The following USP26 variants were observed in gnomAD, a reference collection of about 807,000 sequenced individuals.
The protein encoded by USP26 is ubiquitin specific peptidase 26.
For synonymous variants in USP26, 236 were observed against 240.6 expected (o/e 0.98, Z 0.18); for missense variants, 649 against 642.3 (o/e 1.01, Z -0.11).
chrX:133,095,108 A>AAAAG (rs1390281197), intron 1 of USP26, among the ~76,000 whole-genome samples: 7 of 102,810 alleles, frequency 6.8e-5, no homozygotes, highest in African/African-American at 1.9e-4. Flanking sequence ...AAAAAAAAAA[A>AAAAG]AAAGAAAGAA....
chrX:133,053,982 G>A (rs1485310031), intron 5 of USP26, among the ~76,000 whole-genome samples: 1 of 111,923 alleles, frequency 8.9e-6, no homozygotes, highest in Non-Finnish European at 1.9e-5. Context: ...GGAAGCAACA[G>A]AAAAGTCAGA....
At chrX:133,042,159 A>T (rs1307188184) in intron 5 of USP26, among the ~76,000 whole-genome samples, 1 of 111,522 alleles carries the variant, frequency 9.0e-6, no homozygotes, top group African/African-American at 3.3e-5. Flanking sequence ...TGGGACCGGG[A>T]CCCACTGAGT....
intron 1 of USP26, among the ~76,000 whole-genome samples, chrX:133,092,428 T>G (rs961949351): frequency 3.6e-5 from 4 of 112,134 alleles, no homozygotes; most frequent in African/African-American, 6.5e-5. Context: ...TGTAAGTAAT[T>G]AGTAACACAG....
chrX:133,094,803 A>G (rs923545662), intron 1 of USP26, among the ~76,000 whole-genome samples: 4 of 112,047 alleles, frequency 3.6e-5, no homozygotes, highest in African/African-American at 1.3e-4. Flanking sequence ...CATTAAAAAT[A>G]CCACAAACGG....
intron 5 of USP26, among the ~76,000 whole-genome samples, chrX:133,061,569 C>T (rs1301259871): frequency 8.9e-6 from 1 of 112,276 alleles, no homozygotes; most frequent in Non-Finnish European, 1.9e-5. Context: ...ACGCAGAAGG[C>T]GGGTGATTTC....
intron 5 of USP26, among the ~76,000 whole-genome samples, chrX:133,066,033 G>A (rs2067510520): frequency 9.0e-6 from 1 of 111,520 alleles, no homozygotes; most frequent in Non-Finnish European, 1.9e-5. Context: ...AAATTCTCAG[G>A]ATACGAAATG....
intron 5 of USP26, among the ~76,000 whole-genome samples, chrX:133,074,766 G>A (rs1602986665): frequency 8.9e-6 from 1 of 112,222 alleles, no homozygotes; most frequent in Non-Finnish European, 1.9e-5. Flanking sequence ...CAACTCTAGA[G>A]ATTTATAGCC....
chrX:133,084,951 C>T (rs771199107), intron 4 of USP26, among the ~76,000 whole-genome samples: 6 of 109,414 alleles, frequency 5.5e-5, no homozygotes, highest in Non-Finnish European at 9.5e-5. Flanking sequence ...TCTTTTGAGA[C>T]GGAGTCTCAC....
chrX:133,053,460 C>T (rs987577658), intron 5 of USP26, among the ~76,000 whole-genome samples: 1 of 107,706 alleles, frequency 9.3e-6, no homozygotes, highest in African/African-American at 3.4e-5. Flanking sequence ...ATCACTTGAA[C>T]CTGAGAGACA....
intron 5 of USP26, among the ~76,000 whole-genome samples, chrX:133,055,153 G>A (rs1276298018): frequency 8.9e-6 from 1 of 112,452 alleles, no homozygotes; most frequent in East Asian, 2.8e-4. Context: ...AAAAGGAAGT[G>A]GGAAAAATAT....
intron 5 of USP26, among the ~76,000 whole-genome samples, chrX:133,066,303 G>C (rs1300821297): frequency 9.0e-6 from 1 of 111,472 alleles, no homozygotes; most frequent in Non-Finnish European, 1.9e-5. Context: ...ACCACCCAAA[G>C]TAATTTATAA....
chrX:133,043,801 A>G (rs1310207333), intron 5 of USP26, among the ~76,000 whole-genome samples: 2 of 112,022 alleles, frequency 1.8e-5, no homozygotes, highest in Non-Finnish European at 3.8e-5. Flanking sequence ...CTAGCTACTC[A>G]GGAGGCTGAG....
chrX:133,060,411 A>G (rs2067490465), intron 5 of USP26, among the ~76,000 whole-genome samples: 1 of 111,831 alleles, frequency 8.9e-6, no homozygotes, highest in African/African-American at 3.2e-5. Context: ...TGATCTAATA[A>G]TTTACTTTTT....
In USP26 at chrX:133,025,461, A is replaced by G; in HGVS notation, c.*18T>C. On this transcript the variant is annotated 3_prime_UTR_variant, in exon 6 of 6. Transcript: ENST00000511190. The stretch of plus-strand genomic sequence containing the variant: ...TGAGACAGTCAGGCAGATCTGTACA[A>G]GGAGGAGTACGTTCCTCTTATTCCT... 8.3e-7 allele frequency: 1 copy of G among 1,210,607 alleles called. No homozygotes were observed. The highest frequency in any genetic ancestry group is 1.8e-5 in the South Asian group (1 of 56,922).
At chrX:133,083,442 A>C (rs887032279) in intron 5 of USP26, among the ~76,000 whole-genome samples, 1 of 47,302 alleles carries the variant, frequency 2.1e-5, no homozygotes, top group African/African-American at 1.1e-4. Flanking sequence ...CTTCGTTTTG[A>C]TCAAAAATCC....
chrX:133,089,621 G>A (rs1043142159), intron 4 of USP26, among the ~76,000 whole-genome samples: 3 of 111,990 alleles, frequency 2.7e-5, no homozygotes, highest in Non-Finnish European at 5.6e-5. Context: ...AAAGGAAGGT[G>A]GGAGAGGTGC....
intron 5 of USP26, among the ~76,000 whole-genome samples, chrX:133,053,168 A>T (rs1420126778): frequency 8.9e-6 from 1 of 112,094 alleles, no homozygotes; most frequent in Admixed American, 9.5e-5. Flanking sequence ...AGCCCATGAC[A>T]TAAGTATAAT....
intron 5 of USP26, among the ~76,000 whole-genome samples, chrX:133,074,059 C>T (rs1290888973): frequency 8.9e-6 from 1 of 111,744 alleles, no homozygotes; most frequent in Non-Finnish European, 1.9e-5. Flanking sequence ...GGAATGGAAC[C>T]AACAACATAT....
rs370782593 is a variant in USP26, at chrX:133,079,551, A to G, written c.-77+4156T>C. ...AGGGGAATAAAAGATCTTGAAGACCAGAAGGGACAGATAAAAATAGAAAAG... is the reference window on the plus strand; with the variant it reads ...AGGGGAATAAAAGATCTTGAAGACCGGAAGGGACAGATAAAAATAGAAAAG... On this transcript the variant is annotated intron_variant, in intron 5 of 5. Transcript: ENST00000511190. 7.1e-5 allele frequency among the ~76,000 whole-genome samples: 8 copies of G among 112,132 alleles called. No homozygotes were observed. The East Asian group carries it at 2.0e-3, about 27-fold the overall frequency.
Sources: gnomAD v4.1 joint callset for allele counts (sites outside exome capture counted in the v4.1 genomes callset) on GRCh38, gnomAD v4.1.1 for gene constraint, MANE v1.5 for transcripts, NCBI Gene and HGNC (gene_info 2026-07-23, HGNC 2026-07-21) for gene names.